The following CEP68 variants were observed in gnomAD, a reference collection of about 807,000 sequenced individuals.
CEP68 encodes centrosomal protein of 68 kDa.
A neutral mutation model predicts 55.3 loss-of-function variants in CEP68; 26 were observed. The ratio of observed to expected loss-of-function variants is 0.47; its 90% confidence interval spans 0.34 to 0.65. CEP68 has a LOEUF of 0.65. Ranked by LOEUF, CEP68 falls within the 30% of genes least tolerant of loss-of-function variation. The pLI is 0.01. For synonymous variants in CEP68, 402 were observed against 383.2 expected (o/e 1.05, Z -0.57); for missense variants, 957 against 946.7 (o/e 1.01, Z -0.14).
chr2:65,061,455 C>G (rs1465081952), intron 1 of CEP68, among the ~76,000 whole-genome samples: 3 of 152,232 alleles, frequency 2.0e-5, no homozygotes, highest in African/African-American at 7.2e-5. Flanking sequence ...AGAAGGGGCT[C>G]CCGGTGCCCA....
intron 1 of CEP68, among the ~76,000 whole-genome samples, chr2:65,065,140 T>C (rs894277389): frequency 2.0e-5 from 3 of 152,248 alleles, no homozygotes; most frequent in Non-Finnish European, 4.4e-5. Flanking sequence ...CCGTGGGAAC[T>C]GGCCCTCACA....
chr2:65,075,700 G>GGA (rs1175609781), intron 4 of CEP68, among the ~76,000 whole-genome samples: 11 of 152,124 alleles, frequency 7.2e-5, no homozygotes, highest in Non-Finnish European at 1.5e-4. Flanking sequence ...TAGCATATCT[G>GGA]GTTGGCTGCA....
At chr2:65,080,063 GT>G (rs1472181033) in intron 5 of CEP68, among the ~76,000 whole-genome samples, 1 of 151,912 alleles carries the variant, frequency 6.6e-6, no homozygotes, top group Non-Finnish European at 1.5e-5. Flanking sequence ...AACCCAGGAG[GT>G]GGAAGTTGCA....
intron 1 of CEP68, among the ~76,000 whole-genome samples, chr2:65,066,743 A>ATATATAT (rs1394424081): frequency 4.5e-5 from 4 of 88,822 alleles, no homozygotes; most frequent in African/African-American, 1.0e-4. Flanking sequence ...AAAAAAAAAA[A>ATATATAT]AAATATATAT....
Position 65,071,549 on chromosome 2 carries a change from C to G in CEP68, c.453C>G (p.Thr151=), listed in dbSNP as rs552255446. ...TTTGCTCAGGACATGATGCTGATAC[C>G]GAAGATGATCCATCCCTAGCAGATT... is the stretch of plus-strand genomic sequence containing the variant. ...TTICSGHDAD[T]EDDPSLADLP... Residue 151 remains threonine, a synonymous_variant, in exon 3 of 7, where the codon ACC becomes ACG. Transcript: ENST00000377990. The G allele has an allele frequency of 8.7e-6, 14 of 1,614,132 alleles. No homozygotes were observed. The highest frequency in any genetic ancestry group is 1.2e-5 in the Non-Finnish European group (14 of 1,180,004).
chr2:65,083,927 T>C lies in CEP68; in HGVS notation c.*293T>C, dbSNP rs978736055. On this transcript the variant is annotated 3_prime_UTR_variant, in exon 7 of 7. Transcript: ENST00000377990. Reference sequence around the variant, plus strand: ...ACGTGTTGCCTTCCCCTCTATCCCATTAAAAAAGAGCAGATAAAGCTCAAA... The same window carrying C: ...ACGTGTTGCCTTCCCCTCTATCCCACTAAAAAAGAGCAGATAAAGCTCAAA... The C allele has an allele frequency of 6.6e-6, 1 of 152,196 alleles. No homozygotes were observed. Among genetic ancestry groups the C allele is most frequent in the Non-Finnish European group, 1.5e-5 (1 of 68,032 alleles). 9.4% of individuals were successfully genotyped at this position (152,196 alleles called of 1,614,324 possible).
chr2:65,069,981 C>T (rs537330189), intron 2 of CEP68, among the ~76,000 whole-genome samples, 180 bp downstream of exon 2: 7 of 152,184 alleles, frequency 4.6e-5, no homozygotes, highest in South Asian at 4.1e-4. Context: ...CAGGACCGGC[C>T]GGGGGGACTG....
rs924509450 is a variant in CEP68 at position 65,085,145 on chromosome 2, A to G, written c.*1511A>G. The G allele has an allele frequency of 6.6e-6, 1 of 152,246 alleles. No individual in the cohort carries two copies. Among genetic ancestry groups the G allele is most frequent in the African/African-American group, 2.4e-5 (1 of 41,468 alleles). 9.4% of individuals were successfully genotyped at this position (152,246 alleles called of 1,614,324 possible). A position where few individuals can be genotyped will look rare whatever the true frequency, so the allele number is the denominator to read the frequency against. On this transcript the variant is annotated 3_prime_UTR_variant, in exon 7 of 7. Coordinates refer to ENST00000377990, the MANE Select transcript of CEP68 (RefSeq NM_015147.3). ...TTACTGAATAGCCCTTAGGAAATTA[A>G]ACCCATTTATTTACTAATATTTGAC...
chr2:65,070,045 G>A (rs897111500), intron 2 of CEP68, among the ~76,000 whole-genome samples: 2 of 152,172 alleles, frequency 1.3e-5, no homozygotes, highest in African/African-American at 4.8e-5. Flanking sequence ...TAAGGACCAG[G>A]GATTATAGGC....
intron 1 of CEP68, among the ~76,000 whole-genome samples, chr2:65,058,276 A>C (rs923061702): frequency 6.6e-6 from 1 of 150,990 alleles, no homozygotes; most frequent in African/African-American, 2.4e-5. Flanking sequence ...CATGATCTCA[A>C]CTCACTGTGG....
intron 5 of CEP68, among the ~76,000 whole-genome samples, chr2:65,078,420 T>A (rs1011499321): frequency 6.6e-6 from 1 of 152,168 alleles, no homozygotes; most frequent in African/African-American, 2.4e-5. Context: ...CAGAAAAGGA[T>A]TGTATTGCTC....
At chr2:65,057,102 T>G (rs1280419110) in intron 1 of CEP68, among the ~76,000 whole-genome samples, 1 of 152,256 alleles carries the variant, frequency 6.6e-6, no homozygotes, top group African/African-American at 2.4e-5. Context: ...CTGTCATCAC[T>G]AGAACAGTTC....
At chr2:65,059,149 C>G (rs1031007995) in intron 1 of CEP68, among the ~76,000 whole-genome samples, 1 of 152,170 alleles carries the variant, frequency 6.6e-6, no homozygotes, top group African/African-American at 2.4e-5. Context: ...AAGAAACTGT[C>G]TCCTATCTTT....
intron 1 of CEP68, among the ~76,000 whole-genome samples, chr2:65,056,737 C>T (rs1004446557): frequency 3.3e-5 from 5 of 152,064 alleles, no homozygotes; most frequent in Non-Finnish European, 7.4e-5. Flanking sequence ...CTCGTGCCTT[C>T]GCCTCCATCT....
intron 5 of CEP68, among the ~76,000 whole-genome samples, chr2:65,079,862 G>A (rs976827057): frequency 2.0e-5 from 3 of 152,196 alleles, no homozygotes; most frequent in Admixed American, 6.6e-5. Flanking sequence ...GTCCGGACAC[G>A]GTGGTTCACG....
At chr2:65,060,250 C>G (rs1675845582) in intron 1 of CEP68, among the ~76,000 whole-genome samples, 1 of 152,018 alleles carries the variant, frequency 6.6e-6, no homozygotes, top group Admixed American at 6.6e-5. Flanking sequence ...ATCAGTTTTG[C>G]CAGTACTTAT....
rs1264778052 is a variant in CEP68, at chr2:65,082,628, G to T, written c.2197G>T (p.Asp733Tyr). ...RLYDSILASL[D>Y]MLAGCTLIPD... ...GTATGACTCTATCTTGGCCTCTCTG[G>T]ACATGCTGGCTGGCTGCACCCTTAT... The change falls in exon 6 of 7, where the codon GAC (aspartate) becomes TAC (tyrosine). Residue 733 changes from aspartate to tyrosine, a missense_variant. By Grantham distance (160) the Asp-to-Tyr change is radical. Transcript: ENST00000377990. 2 of 1,612,318 alleles carry T rather than the reference G, an allele frequency of 1.2e-6. No homozygotes were observed. Among genetic ancestry groups the T allele is most frequent in the South Asian group, 2.2e-5 (2 of 90,910 alleles).
At chr2:65,080,346 G>A (rs915972874) in intron 5 of CEP68, 3 of 985,182 alleles carry the variant, frequency 3.0e-6, no homozygotes, top group Non-Finnish European at 3.6e-6. Flanking sequence ...AATCAGGAAT[G>A]TGGCTGTTTC....
chr2:65,081,171 C>T (rs974177080), intron 5 of CEP68, among the ~76,000 whole-genome samples: 5 of 150,620 alleles, frequency 3.3e-5, no homozygotes, highest in Admixed American at 6.6e-5. Flanking sequence ...AGATTTGTGC[C>T]GCTGCACTCC....
Sources: allele counts gnomAD v4.1 joint callset (sites outside exome capture counted in the v4.1 genomes callset), GRCh38; gene constraint gnomAD v4.1.1; transcripts MANE v1.5; gene names NCBI Gene and HGNC (gene_info 2026-07-23, HGNC 2026-07-21).